Variants in FAT3 observed in about 807,000 individuals in gnomAD.
The protein encoded by FAT3 is FAT atypical cadherin 3.
In FAT3, 95 loss-of-function variants were observed where a neutral mutation model predicts 310.2. The ratio of observed to expected loss-of-function variants is 0.31; its 90% CI spans 0.26 to 0.36. The LOEUF is 0.36. Among genes scored for constraint, FAT3 ranks in the 10% least tolerant of loss-of-function variants. The probability of loss-of-function intolerance (pLI) is 1.00; values close to 1 mark genes in which losing one functional copy is unlikely to be tolerated. For missense variants in FAT3, 5,408 were observed against 5,715.6 expected, an observed-to-expected ratio of 0.95 and a Z score of 1.74; for synonymous variants, 2,314 against 2,192.9, an observed-to-expected ratio of 1.06 and a Z score of -1.54.
At chr11:92,386,384 A>G (rs1048380682) in intron 2 of FAT3, among the ~76,000 whole-genome samples, 1 of 152,192 alleles carries the variant, frequency 6.6e-6, no homozygotes, top group Non-Finnish European at 1.5e-5. Flanking sequence ...GACTTCAAAC[A>G]TAGTGAACAT....
chr11:92,767,143 G>A (rs1946333735), intron 6 of FAT3, among the ~76,000 whole-genome samples: 1 of 151,998 alleles, frequency 6.6e-6, no homozygotes, highest in Middle Eastern at 3.2e-3. Context: ...CAGCTACTGG[G>A]GAGGCTGAGG....
chr11:92,649,644 C>T (rs1942295907), intron 3 of FAT3, among the ~76,000 whole-genome samples: 1 of 152,020 alleles, frequency 6.6e-6, no homozygotes, highest in Non-Finnish European at 1.5e-5. Context: ...AGACCCTCAT[C>T]ACTGTGGGCT....
chr11:92,793,478 T>C (rs1205642860), intron 9 of FAT3, among the ~76,000 whole-genome samples: 2 of 152,138 alleles, frequency 1.3e-5, no homozygotes, highest in Non-Finnish European at 2.9e-5. Flanking sequence ...GAGTAGATGG[T>C]AGATATGGAG....
chr11:92,562,133 G>A (rs1006919983), intron 3 of FAT3, among the ~76,000 whole-genome samples: 2 of 152,004 alleles, frequency 1.3e-5, no homozygotes, highest in Non-Finnish European at 2.9e-5. Flanking sequence ...CCTTAACTCT[G>A]ATTATCACTT....
chr11:92,535,353 G>T (rs992276325), intron 3 of FAT3, among the ~76,000 whole-genome samples: 3 of 152,158 alleles, frequency 2.0e-5, no homozygotes, highest in African/African-American at 7.2e-5. Context: ...CCATGAATCT[G>T]CCAACAACCT....
chr11:92,738,037 C>G (rs369249729), intron 4 of FAT3, among the ~76,000 whole-genome samples: 1 of 152,106 alleles, frequency 6.6e-6, no homozygotes, highest in African/African-American at 2.4e-5. Flanking sequence ...ACCTTTACTT[C>G]TTACATTTCA....
intron 4 of FAT3, among the ~76,000 whole-genome samples, chr11:92,740,429 A>G (rs1457312555): frequency 6.6e-6 from 1 of 152,184 alleles, no homozygotes; most frequent in African/African-American, 2.4e-5. Flanking sequence ...CTTAGACTTC[A>G]TGATAGGGGC....
chr11:92,469,152 C>T (rs59926073), intron 2 of FAT3, among the ~76,000 whole-genome samples: 4,355 of 152,152 alleles, frequency 0.029, 212 homozygotes, highest in African/African-American at 0.099. Flanking sequence ...AAATAAAAGG[C>T]AGGCATGTGG....
At chr11:92,631,283 T>C (rs1239067682) in intron 3 of FAT3, among the ~76,000 whole-genome samples, 5 of 152,178 alleles carry the variant, frequency 3.3e-5, no homozygotes, top group Non-Finnish European at 7.4e-5. Flanking sequence ...TTCTTCTCTG[T>C]CAAAAAGGGT....
intron 2 of FAT3, among the ~76,000 whole-genome samples, chr11:92,510,540 A>G (rs946058828): frequency 2.6e-4 from 39 of 152,296 alleles, no homozygotes; most frequent in Admixed American, 6.5e-4. Context: ...TAGAGAGAAG[A>G]GGTGTGCATT....
chr11:92,617,826 C>T (rs964822681), intron 3 of FAT3, among the ~76,000 whole-genome samples: 2 of 152,144 alleles, frequency 1.3e-5, no homozygotes, highest in African/African-American at 4.8e-5. Context: ...AATGTTGCTG[C>T]CCAATCCTTC....
At chr11:92,429,967 G>T (rs1309945313) in intron 2 of FAT3, among the ~76,000 whole-genome samples, 1 of 152,146 alleles carries the variant, frequency 6.6e-6, no homozygotes, top group African/African-American at 2.4e-5. Flanking sequence ...ATCCTGAAGT[G>T]TGTTTTCCAA....
chr11:92,486,130 G>GTT (rs71064714), intron 2 of FAT3, among the ~76,000 whole-genome samples: 7,350 of 37,052 alleles, frequency 0.2, 1,658 homozygotes, highest in Non-Finnish European at 0.29. Context: ...GGCTGCTGGG[G>GTT]TTTTTTTTTT....
At position 92,352,330 on chromosome 11, in the gene FAT3, T is replaced by C; in HGVS notation, c.218T>C (p.Ile73Thr). The C allele has an allele frequency of 6.4e-7, 1 of 1,565,686 alleles. No homozygotes were observed. Among genetic ancestry groups the C allele is most frequent in the Non-Finnish European group, 8.7e-7 (1 of 1,149,998 alleles). The change falls in exon 2 of 28, where the codon ATA becomes ACA. Residue 73 changes from isoleucine to threonine, a missense_variant. By Grantham distance (89) the Ile-to-Thr change is moderately conservative. Coordinates refer to ENST00000525166, the MANE Select transcript of FAT3 (RefSeq NM_001367949.2). ...NSQSRMGITL[I>T]DLSWDIKYRI... ...CAGAGTAGAATGGGCATCACCTTAA[T>C]AGATCTATCCTGGGATATCAAATAC...
At chr11:92,402,474 G>T (rs898434381) in intron 2 of FAT3, among the ~76,000 whole-genome samples, 3 of 152,062 alleles carry the variant, frequency 2.0e-5, no homozygotes, top group Admixed American at 6.6e-5. Context: ...TCACACCTGT[G>T]ATCCCAACAC....
At chr11:92,578,157 T>C (rs923858632) in intron 3 of FAT3, among the ~76,000 whole-genome samples, 1 of 152,108 alleles carries the variant, frequency 6.6e-6, no homozygotes, top group Non-Finnish European at 1.5e-5. Context: ...ACTGAAATAG[T>C]TCCAGAAAGT....
At chr11:92,499,108 C>G (rs1952851723) in intron 2 of FAT3, among the ~76,000 whole-genome samples, 1 of 152,020 alleles carries the variant, frequency 6.6e-6, no homozygotes, top group South Asian at 2.1e-4. Context: ...ACTCTGCACC[C>G]TACCTTGTGC....
At chr11:92,632,627 G>A (rs1467910484) in intron 3 of FAT3, among the ~76,000 whole-genome samples, 1 of 152,214 alleles carries the variant, frequency 6.6e-6, no homozygotes, top group East Asian at 1.9e-4. Context: ...GAAAGGAGAG[G>A]AGTTAAGAAG....
intron 3 of FAT3, among the ~76,000 whole-genome samples, chr11:92,553,769 T>C (rs1459480258): frequency 2.0e-5 from 3 of 148,752 alleles, no homozygotes; most frequent in African/African-American, 7.4e-5. Context: ...CTTTCTCTCT[T>C]TCTTTCTCCT....
Sources: gnomAD v4.1 joint callset for allele counts (sites outside exome capture counted in the v4.1 genomes callset) on GRCh38, gnomAD v4.1.1 for gene constraint, MANE v1.5 for transcripts, NCBI Gene and HGNC (gene_info 2026-07-23, HGNC 2026-07-21) for gene names.